CNTN5: variants seen among roughly 807,000 people sequenced by gnomAD.
CNTN5 encodes contactin 5, also known as contactin-5.
In CNTN5, 77 loss-of-function variants were observed where a neutral mutation model predicts 129.1. The ratio of observed to expected loss-of-function variants is 0.60; its 90% CI spans 0.50 to 0.72. CNTN5 has a LOEUF of 0.72. Among genes scored for constraint, CNTN5 ranks in the 30% least tolerant of loss-of-function variants. The pLI is 0.00. For missense variants in CNTN5, 1,478 were observed against 1,328.8 expected, an observed-to-expected ratio of 1.11 and a Z score of -1.75; for synonymous variants, 509 against 465.6, an observed-to-expected ratio of 1.09 and a Z score of -1.20.
chr11:99,288,666 A>G (rs980362646), intron 1 of CNTN5, among the ~76,000 whole-genome samples: 1 of 151,936 alleles, frequency 6.6e-6, no homozygotes, highest in Non-Finnish European at 1.5e-5. Context: ...CTACAAAGGA[A>G]TAGAAGAATT....
At chr11:100,035,730 A>G (rs1162192923) in intron 9 of CNTN5, among the ~76,000 whole-genome samples, 7 of 150,528 alleles carry the variant, frequency 4.7e-5, no homozygotes, top group African/African-American at 1.5e-4. Context: ...AGTGATGATG[A>G]GCATTTTTTC....
At chr11:99,532,709 T>C (rs1947758965) in intron 2 of CNTN5, among the ~76,000 whole-genome samples, 1 of 152,184 alleles carries the variant, frequency 6.6e-6, no homozygotes. Context: ...TCTTTCTTCC[T>C]CATTCTCTCT....
At chr11:99,765,436 A>G (rs1379011996) in intron 3 of CNTN5, among the ~76,000 whole-genome samples, 1 of 151,752 alleles carries the variant, frequency 6.6e-6, no homozygotes, top group East Asian at 1.9e-4. Flanking sequence ...TTTAGTAGGG[A>G]TCATAAGACA....
rs551416191 is a variant in CNTN5 at position 99,421,226 on chromosome 11, A to G, written c.-71+95742A>G. 5.9e-5 allele frequency among the ~76,000 whole-genome samples: 9 copies of G among 152,146 alleles called. No homozygotes were observed. The South Asian group carries it at 1.5e-3, about 25-fold the overall frequency. On this transcript the variant is annotated intron_variant, in intron 2 of 24. Transcript: ENST00000524871. ...AAGCTCAGGGGATACATGGGCGGAC[A>G]ACATACCTCAGATTCCTTTACAGAG... is the stretch of plus-strand genomic sequence containing the variant.
intron 15 of CNTN5, among the ~76,000 whole-genome samples, chr11:100,193,906 T>G (rs1265461987): frequency 3.3e-5 from 5 of 151,556 alleles, no homozygotes; most frequent in Non-Finnish European, 5.9e-5. Context: ...CTTTGCCACC[T>G]TTGTTTAATA....
At chr11:99,757,694 A>G (rs1472455120) in intron 3 of CNTN5, among the ~76,000 whole-genome samples, 2 of 152,072 alleles carry the variant, frequency 1.3e-5, no homozygotes, top group African/African-American at 2.4e-5. Flanking sequence ...TCTCAACCCA[A>G]TACACAATAT....
At chr11:99,622,732 C>T (rs1347770517) in intron 3 of CNTN5, among the ~76,000 whole-genome samples, 2 of 151,794 alleles carry the variant, frequency 1.3e-5, no homozygotes, top group Non-Finnish European at 2.9e-5. Flanking sequence ...ATTGATTATT[C>T]AATGAAAAGG....
intron 4 of CNTN5, among the ~76,000 whole-genome samples, chr11:99,824,937 C>T (rs1946906823): frequency 6.6e-6 from 1 of 151,858 alleles, no homozygotes; most frequent in African/African-American, 2.4e-5. Flanking sequence ...ATTCCTAGAT[C>T]TCATACAGTT....
chr11:99,394,464 A>G (rs1941417908), intron 2 of CNTN5, among the ~76,000 whole-genome samples: 1 of 151,594 alleles, frequency 6.6e-6, no homozygotes, highest in African/African-American at 2.4e-5. Context: ...TTCAGAATCA[A>G]CTTATATGCT....
intron 18 of CNTN5, among the ~76,000 whole-genome samples, chr11:100,273,447 A>C (rs987124150): frequency 1.3e-5 from 2 of 152,116 alleles, no homozygotes; most frequent in Non-Finnish European, 2.9e-5. Flanking sequence ...ACAGAGTCTT[A>C]GTGGGTACAG....
At chr11:99,711,218 C>T (rs549178383) in intron 3 of CNTN5, among the ~76,000 whole-genome samples, 1 of 151,792 alleles carries the variant, frequency 6.6e-6, no homozygotes, top group African/African-American at 2.4e-5. Context: ...CAAAGCAACT[C>T]TATAGAGATA....
chr11:100,027,481 T>C (rs1346068606), intron 9 of CNTN5, among the ~76,000 whole-genome samples: 1 of 152,180 alleles, frequency 6.6e-6, no homozygotes. Flanking sequence ...GGATGTTAGG[T>C]TAGGAACTAT....
chr11:100,320,246 A>G (rs187232329), intron 21 of CNTN5, among the ~76,000 whole-genome samples: 3 of 152,204 alleles, frequency 2.0e-5, no homozygotes, highest in African/African-American at 7.2e-5. Context: ...TCTAATGTGT[A>G]TGCAGTGATA....
intron 3 of CNTN5, among the ~76,000 whole-genome samples, chr11:99,659,739 G>C (rs1186204223): frequency 2.0e-5 from 3 of 152,088 alleles, no homozygotes; most frequent in Non-Finnish European, 4.4e-5. Context: ...AATCATTATG[G>C]AGAATAATCT....
chr11:99,090,342 A>T (rs921022314), intron 1 of CNTN5, among the ~76,000 whole-genome samples: 1 of 152,192 alleles, frequency 6.6e-6, no homozygotes, highest in African/African-American at 2.4e-5. Context: ...ACAGAAAGGC[A>T]GTAAAAGGCA....
chr11:99,820,612 G>C (rs1946772242), intron 4 of CNTN5, among the ~76,000 whole-genome samples: 1 of 152,244 alleles, frequency 6.6e-6, no homozygotes, highest in African/African-American at 2.4e-5. Flanking sequence ...GTTATTACTA[G>C]TCTCTATCCA....
At chr11:99,976,091 C>A (rs1414024787) in intron 8 of CNTN5, among the ~76,000 whole-genome samples, 1 of 152,224 alleles carries the variant, frequency 6.6e-6, no homozygotes, top group Non-Finnish European at 1.5e-5. Flanking sequence ...AGGCCCCATA[C>A]AAGTCCATAA....
chr11:99,732,332 T>G (rs1222164006), intron 3 of CNTN5, among the ~76,000 whole-genome samples: 1 of 152,170 alleles, frequency 6.6e-6, no homozygotes, highest in Non-Finnish European at 1.5e-5. Flanking sequence ...TAGTTATTAC[T>G]GATAATAAGT....
At chr11:99,438,185 A>G (rs903586397) in intron 2 of CNTN5, among the ~76,000 whole-genome samples, 8 of 152,246 alleles carry the variant, frequency 5.3e-5, no homozygotes, top group African/African-American at 1.9e-4. Context: ...GATTGAGTCA[A>G]TAAATACTTA....
Sources: allele counts gnomAD v4.1 joint callset (sites outside exome capture counted in the v4.1 genomes callset), GRCh38; gene constraint gnomAD v4.1.1; transcripts MANE v1.5; gene names NCBI Gene and HGNC (gene_info 2026-07-23, HGNC 2026-07-21).